Variants in SPEG observed in about 807,000 individuals in gnomAD.
The protein encoded by SPEG is striated muscle enriched protein kinase.
In SPEG, 114 loss-of-function variants were observed where a neutral mutation model predicts 300.4. The ratio of observed to expected loss-of-function variants is 0.38; its 90% CI spans 0.33 to 0.44. The LOEUF is 0.44. Among genes scored for constraint, SPEG ranks in the 20% least tolerant of loss-of-function variants. The pLI, the probability that SPEG is intolerant of heterozygous loss-of-function variation, is 1.00. For missense variants in SPEG, 4,201 were observed against 4,586.2 expected, an observed-to-expected ratio of 0.92 and a Z score of 2.43; for synonymous variants, 1,964 against 2,018.9, an observed-to-expected ratio of 0.97 and a Z score of 0.73.
intron 22 of SPEG, 56 bp downstream of exon 22, chr2:219,478,161 G>A: frequency 6.8e-7 from 1 of 1,467,086 alleles, no homozygotes; most frequent in Non-Finnish European, 9.5e-7. Context: ...ACTGGTCCTT[G>A]TAACATCCAA....
Position 219,459,377 on chromosome 2 carries a change from T to G in SPEG, c.2441-2505T>G, listed in dbSNP as rs1344498688. Among the ~76,000 whole-genome samples the G allele has an allele frequency of 6.6e-6, 1 of 152,182 alleles. No homozygotes were observed. The highest frequency in any genetic ancestry group is 1.5e-5 in the Non-Finnish European group (1 of 68,032). On this transcript the variant is annotated intron_variant, in intron 6 of 40. Coordinates refer to ENST00000312358, the MANE Select transcript of SPEG (RefSeq NM_005876.5). This position sits in a 1 kb window ranked among gnomAD's most constrained non-coding sequence, Gnocchi z 4.9. ...CTATGTGGCCAGGGAAAAAACTAGG[T>G]GGCACCGGATTCTGGTATGGAGCCT...
chr2:219,468,387 C>G (rs958136747), intron 10 of SPEG, among the ~76,000 whole-genome samples, 191 bp from the exon 11 acceptor site: 3 of 152,142 alleles, frequency 2.0e-5, no homozygotes, highest in African/African-American at 4.8e-5. Context: ...CTGCACCCAC[C>G]CTTGCTGACC....
intron 10 of SPEG, 69 bp from the exon 11 acceptor site, chr2:219,468,509 G>C: frequency 6.4e-7 from 1 of 1,551,074 alleles, no homozygotes. Context: ...CCTTAGGTCA[G>C]GAGTGGTGGG....
At position 219,461,925 on chromosome 2, in the gene SPEG, G is replaced by A. The variant is rs749652486; in HGVS notation, c.2484G>A (p.Glu828=). The change falls in exon 7 of 41, where the codon GAG becomes GAA. Residue 828 remains glutamate (E), a synonymous_variant. Transcript: ENST00000312358. The stretch of plus-strand genomic sequence containing the variant: ...TCAGCAGCCCCATCACCTCCGACGA[G>A]GAATACCTGAGCCCCCCAGAGGAGT... The part of the protein sequence containing the change: ...SPFSSPITSD[E]EYLSPPEEFP... 55 of 1,613,804 alleles carry A rather than the reference G, an allele frequency of 3.4e-5. No individual in the cohort carries two copies. The Admixed American group carries it at 8.3e-4, about 24-fold the overall frequency.
chr2:219,453,188 T>C (rs1388058977), intron 6 of SPEG, among the ~76,000 whole-genome samples: 2 of 152,162 alleles, frequency 1.3e-5, no homozygotes, highest in Non-Finnish European at 2.9e-5. Context: ...AGGGGTGGGA[T>C]GGGGGTGCCC....
chr2:219,460,789 G>A (rs1690610037), intron 6 of SPEG: 3 of 986,050 alleles, frequency 3.0e-6, no homozygotes, highest in South Asian at 9.4e-5. Context: ...CCCCTCCTCA[G>A]GCGCCTTCCC....
rs760449750 is a variant in SPEG, at chr2:219,476,888, C to G, written c.4466C>G (p.Ser1489Cys). 1 of 1,613,686 alleles carries G rather than the reference C, an allele frequency of 6.2e-7. No homozygotes were observed. Among genetic ancestry groups the G allele is most frequent in the Non-Finnish European group, 8.5e-7 (1 of 1,179,890 alleles). The change falls in exon 19 of 41, where the codon TCC becomes TGC. Residue 1489 changes from serine to cysteine, a missense_variant. Physicochemically the swap from Ser to Cys is moderately radical, Grantham distance 112. Around this residue, in one of 4 missense-constraint regions of SPEG, gnomAD observed 1,047 missense variants for 1,356.8 expected, o/e 0.77. Coordinates refer to ENST00000312358, the MANE Select transcript of SPEG (RefSeq NM_005876.5). Reference protein sequence around the residue: ...LELAEAPRFESIMEDVEVGAG... With the variant: ...LELAEAPRFECIMEDVEVGAG... ...GTTTCAGAGGCCCCTCGGTTTGAGT[C>G]CATCATGGAGGACGTGGAGGTGGGG...
chr2:219,491,919 C>T (rs768388284), intron 39 of SPEG, 50 bp downstream of exon 39: 14 of 1,488,510 alleles, frequency 9.4e-6, no homozygotes, highest in Non-Finnish European at 1.3e-5. Flanking sequence ...ACAGTGAGCT[C>T]CCGGACTCAC....
chr2:219,446,658 T>G (rs1455151171), intron 3 of SPEG, among the ~76,000 whole-genome samples: 1 of 152,182 alleles, frequency 6.6e-6, no homozygotes, highest in Non-Finnish European at 1.5e-5. Flanking sequence ...CTCCCTTCTG[T>G]GCCCCTGGAA....
At chr2:219,467,950 A>G (rs1691520035) in intron 10 of SPEG, among the ~76,000 whole-genome samples, 1 of 152,234 alleles carries the variant, frequency 6.6e-6, no homozygotes, top group Non-Finnish European at 1.5e-5. Context: ...CATTGTTACC[A>G]CTGATGCTAT....
Position 219,485,385 on chromosome 2 carries a change from C to A in SPEG, c.7649C>A (p.Ser2550Tyr). The A allele has an allele frequency of 6.2e-7, 1 of 1,607,948 alleles. No individual in the cohort carries two copies. Among genetic ancestry groups the A allele is most frequent in the Non-Finnish European group, 8.5e-7 (1 of 1,177,598 alleles). Reference protein sequence around the residue: ...ESRSRLRWGFSRPRKDKGLSP... With the variant: ...ESRSRLRWGFYRPRKDKGLSP... ...CGAAGCCGGCTCCGCTGGGGCTTCTCTCGGCCGCGGAAGGACAAGGGGTTA... is the reference window on the plus strand; with the variant it reads ...CGAAGCCGGCTCCGCTGGGGCTTCTATCGGCCGCGGAAGGACAAGGGGTTA... The change falls in exon 31 of 41, where the codon TCT becomes TAT. Residue 2550 changes from serine (S) to tyrosine (Y), a missense_variant. By Grantham distance (144) the Ser-to-Tyr change is moderately radical (BLOSUM62 -2). Coordinates refer to ENST00000312358, the MANE Select transcript of SPEG (RefSeq NM_005876.5).
In SPEG at chr2:219,448,052, T is replaced by A; in HGVS notation, c.894T>A (p.Pro298=). The A allele has an allele frequency of 6.2e-7, 1 of 1,611,298 alleles. No homozygotes were observed. Among genetic ancestry groups the A allele is most frequent in the Non-Finnish European group, 8.5e-7 (1 of 1,179,504 alleles). The change falls in exon 4 of 41, where the codon CCT becomes CCA. Residue 298 remains proline, a synonymous_variant. Coordinates refer to ENST00000312358, the MANE Select transcript of SPEG (RefSeq NM_005876.5). ...TGGCCAGCGAAGCCCCACGCCGCCC[T>A]GCCCAGCCGCCTCCTTCCAAATCCG... The part of the protein sequence containing the change: ...PQLASEAPRR[P]AQPPPSKSAL...
In SPEG at chr2:219,490,038, G is replaced by A. The variant is rs577762653; in HGVS notation, c.8921+99G>A. ...AAGACCAGACTGTCCTGGCTGGGGT[G>A]GGGGGAGGTGCTGAGACCTGGGTTA... On this transcript the variant is annotated intron_variant, in intron 36 of 40. Transcript: ENST00000312358. 2.9e-6 allele frequency: 4 copies of A among 1,378,716 alleles called. No homozygotes were observed. In the East Asian group the frequency reaches 7.0e-5, roughly 24 times the overall value. 85.4% of individuals were successfully genotyped at this position (1,378,716 alleles called of 1,614,324 possible).
chr2:219,449,179 C>G lies in SPEG; in HGVS notation c.2021C>G (p.Pro674Arg), dbSNP rs757668535. ...PEAEKRLRRG[P>R]EEDGPWGPWD... Reference sequence around the variant, plus strand: ...GCAGAGAAGAGGCTTCGCAGAGGGCCGGAGGAGGACGGTCCCTGGGGGCCC... The same window carrying G: ...GCAGAGAAGAGGCTTCGCAGAGGGCGGGAGGAGGACGGTCCCTGGGGGCCC... The change falls in exon 4 of 41, where the codon CCG becomes CGG. Residue 674 changes from proline to arginine, a missense_variant. Transcript: ENST00000312358. 1.7e-4 allele frequency: 234 copies of G among 1,394,002 alleles called. 1 individual carries two copies. The highest frequency in any genetic ancestry group is 2.1e-4 in the Non-Finnish European group (222 of 1,074,192). The allele number at this position is 1,394,002 out of a possible 1,614,324, so 86.4% of individuals were successfully genotyped here. A position where few individuals can be genotyped will look rare whatever the true frequency, so the allele number is the denominator to read the frequency against.
At position 219,483,646 on chromosome 2, in the gene SPEG, C is replaced by A; in HGVS notation, c.6183C>A (p.Gly2061=). The A allele has an allele frequency of 6.5e-7, 1 of 1,528,028 alleles. No homozygotes were observed. The highest frequency in any genetic ancestry group is 8.7e-7 in the Non-Finnish European group (1 of 1,144,556). The allele number at this position is 1,528,028 out of a possible 1,614,324, so 94.7% of individuals were successfully genotyped here. A position where few individuals can be genotyped will look rare whatever the true frequency, so the allele number is the denominator to read the frequency against. ...TGGCCCGGGGAGGCCTGGGTGAGGG[C>A]GAGTATGCCCAGAGGCTGCAGGCCC... ...TRLARGGLGE[G]EYAQRLQALR... Residue 2061 remains glycine, a synonymous_variant, in exon 30 of 41, where the codon GGC becomes GGA. Transcript: ENST00000312358.
chr2:219,451,055 G>A lies in SPEG; in HGVS notation c.2114-81G>A. 7.1e-7 allele frequency: 1 copy of A among 1,411,832 alleles called. No individual in the cohort carries two copies. Among genetic ancestry groups the A allele is most frequent in the East Asian group, 2.6e-5 (1 of 38,336 alleles). The allele number at this position is 1,411,832 out of a possible 1,614,324, so 87.5% of individuals were successfully genotyped here. On this transcript the variant is annotated intron_variant, in intron 4 of 40. Coordinates refer to ENST00000312358, the MANE Select transcript of SPEG (RefSeq NM_005876.5). The surrounding 1 kb of genome is among the most constrained non-coding windows in gnomAD (Gnocchi z 6.4). ...CTGTCTGGGTTTGGCTTTCTAGGAT[G>A]CAGGCCACCAGGACTCTCTCTCCCG...
In SPEG at chr2:219,439,244, C is replaced by G. The variant is rs1044160881; in HGVS notation, c.388+3879C>G. 6.6e-6 allele frequency among the ~76,000 whole-genome samples: 1 copy of G among 152,182 alleles called. No individual in the cohort carries two copies. Among genetic ancestry groups the G allele is most frequent in the Non-Finnish European group, 1.5e-5 (1 of 68,036 alleles). On this transcript the variant is annotated intron_variant, in intron 1 of 40. Transcript: ENST00000312358. The surrounding 1 kb of genome is among the most constrained non-coding windows in gnomAD (Gnocchi z 4.5). Reference sequence around the variant, plus strand: ...GTCCCCGTTCCCATCACTGCTTACCCTCTCCACCTGCAGCTCTGCCACCCC... The same window carrying G: ...GTCCCCGTTCCCATCACTGCTTACCGTCTCCACCTGCAGCTCTGCCACCCC...
rs1317448541 is a variant in SPEG, at chr2:219,483,228, C to T, written c.5765C>T (p.Ser1922Leu). The T allele has an allele frequency of 6.2e-7, 1 of 1,610,510 alleles. No individual in the cohort carries two copies. The highest frequency in any genetic ancestry group is 8.5e-7 in the Non-Finnish European group (1 of 1,179,092). ...CCCAGTGGGGGGCTCTCATCCTCCT[C>T]GGATTCTGAAGAGGAAGAGCTGGAA... Reference protein sequence around the residue: ...PPPSGGLSSSSDSEEEELEEL... With the variant: ...PPPSGGLSSSLDSEEEELEEL... The change falls in exon 30 of 41, where the codon TCG becomes TTG. Residue 1922 changes from serine (S) to leucine (L), a missense_variant. By Grantham distance (145) the Ser-to-Leu change is moderately radical (BLOSUM62 -2). Coordinates refer to ENST00000312358, the MANE Select transcript of SPEG (RefSeq NM_005876.5).
At position 219,488,864 on chromosome 2, in the gene SPEG, G is replaced by A. The variant is rs1416779227; in HGVS notation, c.8113G>A (p.Ala2705Thr). The change falls in exon 34 of 41, where the codon GCA (alanine) becomes ACA (threonine). Residue 2705 changes from alanine to threonine, a missense_variant. By Grantham distance (58) the Ala-to-Thr change is moderately conservative. Transcript: ENST00000312358. The part of the protein sequence containing the change: ...LVLWKPGDSR[A>T]PCTYTLERRV... ...GCTGTGGAAGCCGGGAGACAGCCGG[G>A]CACCTTGCACGTATACGCTGGAGCG... 4.4e-6 allele frequency: 7 copies of A among 1,587,032 alleles called. No individual in the cohort carries two copies. The highest frequency in any genetic ancestry group is 1.8e-5 in the Admixed American group (1 of 55,260).
Sources: allele counts gnomAD v4.1 joint callset (sites outside exome capture counted in the v4.1 genomes callset), GRCh38; gene constraint gnomAD v4.1.1; regional missense constraint gnomAD v4.1.1; non-coding constraint Gnocchi (gnomAD v3.1); transcripts MANE v1.5; gene names NCBI Gene and HGNC (gene_info 2026-07-23, HGNC 2026-07-21).